Variants in TAS2R1 observed in about 807,000 individuals in gnomAD.
TAS2R1 encodes the protein taste receptor type 2 member 1.
For synonymous variants in TAS2R1, 141 were observed against 134.2 expected, an observed-to-expected ratio of 1.05 and a Z score of -0.35; for missense variants, 370 against 353.4, an observed-to-expected ratio of 1.05 and a Z score of -0.38.
chr5:9,675,205 A>G (rs770696129), intron 1 of TAS2R1, among the ~76,000 whole-genome samples: 6 of 150,756 alleles, frequency 4.0e-5, no homozygotes, highest in Non-Finnish European at 5.9e-5. Flanking sequence ...GAGATAGTCT[A>G]TGTTCACAGA....
chr5:9,639,127 T>A (rs1740024045), intron 2 of TAS2R1, among the ~76,000 whole-genome samples: 1 of 152,132 alleles, frequency 6.6e-6, no homozygotes, highest in Non-Finnish European at 1.5e-5. Context: ...CAGACTCTGC[T>A]CAAGAAAATT....
intron 1 of TAS2R1, among the ~76,000 whole-genome samples, chr5:9,687,981 C>T (rs1741162023): frequency 6.6e-6 from 1 of 152,186 alleles, no homozygotes; most frequent in African/African-American, 2.4e-5. Flanking sequence ...TCCAATTAAC[C>T]TGCTTTTGCA....
Position 9,674,746 on chromosome 5 carries a change from C to A in TAS2R1, c.-241-15165G>T, listed in dbSNP as rs183570485. ...GACTACTATCTTTCTAACTTCTATT[C>A]CATTTTTCACATAACCCAGAAATTC... is the stretch of plus-strand genomic sequence containing the variant. On this transcript the variant is annotated intron_variant, in intron 1 of 2. Coordinates refer to the TAS2R1 transcript ENST00000506620. 5.3e-5 allele frequency among the ~76,000 whole-genome samples: 8 copies of A among 152,132 alleles called. No homozygotes were observed. In the East Asian group the frequency reaches 1.5e-3, roughly 29 times the overall value.
At chr5:9,795,633 A>G in the TAS2R1 span, among the ~76,000 whole-genome samples, 1 of 152,198 alleles carries the variant, frequency 6.6e-6, no homozygotes, top group East Asian at 1.9e-4. Flanking sequence ...CATCCAAGAC[A>G]AAGTAGGAAC....
the TAS2R1 span, among the ~76,000 whole-genome samples, chr5:9,890,249 G>A: frequency 2.0e-4 from 30 of 152,292 alleles, no homozygotes; most frequent in Non-Finnish European, 2.9e-4. Context: ...GGCCGCCTAC[G>A]TGATGGTTAA....
At chr5:9,800,523 TG>T in the TAS2R1 span, among the ~76,000 whole-genome samples, 12 of 152,108 alleles carry the variant, frequency 7.9e-5, no homozygotes, top group Non-Finnish European at 1.3e-4. Context: ...CACATAGGCC[TG>T]TGATGGAAGA....
At chr5:9,900,865 C>G in the TAS2R1 span, among the ~76,000 whole-genome samples, 1 of 151,992 alleles carries the variant, frequency 6.6e-6, no homozygotes, top group East Asian at 1.9e-4. Flanking sequence ...CCTCGTGATC[C>G]GCCCGCCTCG....
the TAS2R1 span, among the ~76,000 whole-genome samples, chr5:9,745,825 G>T: frequency 6.6e-6 from 1 of 151,890 alleles, no homozygotes; most frequent in African/African-American, 2.4e-5. Context: ...CTAGAAAAAA[G>T]CTAGGCAATA....
chr5:9,667,892 C>T (rs1054393434), intron 1 of TAS2R1, among the ~76,000 whole-genome samples: 1 of 152,278 alleles, frequency 6.6e-6, no homozygotes, highest in Non-Finnish European at 1.5e-5. Context: ...TCCAAACAAC[C>T]GCACTAGTTC....
Position 9,630,022 on chromosome 5 carries a change from G to T in TAS2R1, c.11C>A (p.Ser4Tyr). The part of the protein sequence containing the change: MLE[S>Y]HLIIYFLLAV... ...AAGAAGAAAATAGATAATGAGGTGA[G>T]ACTCTAGCATTTTAGGAATAAAAAA... is the stretch of plus-strand genomic sequence containing the variant. The change falls in exon 1 of 1, where the codon TCT becomes TAT. Residue 4 changes from serine to tyrosine, a missense_variant. By Grantham distance (144) the Ser-to-Tyr change is moderately radical. Coordinates refer to ENST00000382492, the MANE Select transcript of TAS2R1 (RefSeq NM_019599.3). The T allele has an allele frequency of 6.4e-7, 1 of 1,562,564 alleles. No homozygotes were observed. Among genetic ancestry groups the T allele is most frequent in the Non-Finnish European group, 8.6e-7 (1 of 1,159,454 alleles).
the TAS2R1 span, among the ~76,000 whole-genome samples, chr5:9,823,048 T>C: frequency 3.3e-4 from 49 of 149,648 alleles, no homozygotes; most frequent in African/African-American, 9.8e-4. Flanking sequence ...AAATCTTGGC[T>C]TGGAAAAACA....
intron 1 of TAS2R1, among the ~76,000 whole-genome samples, chr5:9,690,447 C>A (rs552533163): frequency 6.6e-5 from 10 of 152,178 alleles, no homozygotes; most frequent in Admixed American, 1.3e-4. Context: ...TGGATATGTG[C>A]AATGTGGTGG....
the TAS2R1 span, among the ~76,000 whole-genome samples, chr5:9,806,026 A>G: frequency 6.6e-6 from 1 of 152,118 alleles, no homozygotes; most frequent in African/African-American, 2.4e-5. Flanking sequence ...AGCTTCTAGA[A>G]CTGGAAAATG....
chr5:9,783,383 C>A, the TAS2R1 span, among the ~76,000 whole-genome samples: 6 of 152,194 alleles, frequency 3.9e-5, no homozygotes, highest in Non-Finnish European at 7.3e-5. Context: ...TTAGCTGATG[C>A]AATTGCAAGG....
At chr5:9,660,898 G>A (rs1469676963) in intron 1 of TAS2R1, among the ~76,000 whole-genome samples, 1 of 152,092 alleles carries the variant, frequency 6.6e-6, no homozygotes, top group Admixed American at 6.5e-5. Context: ...GGAGCTCAGG[G>A]CAGCCTTCAC....
the TAS2R1 span, among the ~76,000 whole-genome samples, chr5:9,789,902 A>G: frequency 6.6e-6 from 1 of 152,272 alleles, no homozygotes; most frequent in Non-Finnish European, 1.5e-5. Context: ...CCTGCAGTCC[A>G]GAATAAAAGA....
At chr5:9,878,355 TAGTTCC>T in the TAS2R1 span, among the ~76,000 whole-genome samples, 1 of 152,166 alleles carries the variant, frequency 6.6e-6, no homozygotes, top group Non-Finnish European at 1.5e-5. Flanking sequence ...TCATAGAGTA[TAGTTCC>T]AGGAGGATTC....
intron 2 of TAS2R1, among the ~76,000 whole-genome samples, chr5:9,656,975 C>T (rs766347050): frequency 4.0e-5 from 6 of 151,726 alleles, no homozygotes; most frequent in South Asian, 2.1e-4. Context: ...CAAAACTTAA[C>T]GATGATATAT....
At chr5:9,808,031 A>G in the TAS2R1 span, among the ~76,000 whole-genome samples, 2 of 152,364 alleles carry the variant, frequency 1.3e-5, no homozygotes, top group African/African-American at 4.8e-5. Context: ...AAGCAGCTTT[A>G]GAACTGGTAT....
Sources: allele counts gnomAD v4.1 joint callset (sites outside exome capture counted in the v4.1 genomes callset), GRCh38; gene constraint gnomAD v4.1.1; transcripts MANE v1.5; gene names NCBI Gene and HGNC (gene_info 2026-07-23, HGNC 2026-07-21).